The following SLC1A6 variants were observed in gnomAD, a reference collection of about 807,000 sequenced individuals.
SLC1A6 encodes solute carrier family 1 member 6, also known as excitatory amino acid transporter 4.
In SLC1A6, 15 loss-of-function variants were observed where a neutral mutation model predicts 42.1. That is an observed-to-expected ratio of 0.36 (90% CI 0.24 to 0.55). The LOEUF is 0.55. Among genes scored for constraint, SLC1A6 ranks in the 20% least tolerant of loss-of-function variants. The pLI is 0.88. For synonymous variants in SLC1A6, 317 were observed against 319.7 expected, an observed-to-expected ratio of 0.99 and a Z score of 0.09; for missense variants, 542 against 772.5, an observed-to-expected ratio of 0.70 and a Z score of 3.54.
At chr19:14,970,020 T>G (rs1274473866) in intron 3 of SLC1A6, among the ~76,000 whole-genome samples, 1 of 152,166 alleles carries the variant, frequency 6.6e-6, no homozygotes, top group Non-Finnish European at 1.5e-5. Context: ...ACAAAGGGGA[T>G]GAAGATCTTT....
intron 6 of SLC1A6, among the ~76,000 whole-genome samples, chr19:14,957,345 C>A (rs1316002378): frequency 3.3e-5 from 5 of 152,136 alleles, no homozygotes; most frequent in Non-Finnish European, 7.4e-5. Flanking sequence ...ATGTTTATGT[C>A]CCCTCCCCAC....
chr19:14,994,356 C>T (rs2045834950), intron 1 of SLC1A6, among the ~76,000 whole-genome samples: 2 of 152,082 alleles, frequency 1.3e-5, no homozygotes, highest in South Asian at 2.1e-4. Context: ...GCTGGCAGCC[C>T]CCTCTAGGTT....
rs1367690849 is a variant in SLC1A6 at position 14,956,525 on chromosome 19, T to C, written c.1120A>G (p.Ile374Val). The C allele has an allele frequency of 1.9e-6, 3 of 1,609,612 alleles. No homozygotes were observed. The highest frequency in any genetic ancestry group is 3.4e-5 in the Admixed American group (2 of 59,696). The change falls in exon 7 of 10, where the codon ATT (isoleucine) becomes GTT (valine). Residue 374 changes from isoleucine to valine, a missense_variant. By Grantham distance (29) the Ile-to-Val change is conservative (BLOSUM62 3). Transcript: ENST00000594383. ...ATGAGGGCTTGTAGCATGCCCCCAA[T>C]GAAGGGGAAGGGGTTCCGGTGAGTG... is the stretch of plus-strand genomic sequence containing the variant. ...LVTHRNPFPF[I>V]GGMLQALITA...
rs754196543 is a variant in SLC1A6, at chr19:14,953,078, G to A, written c.1365-16C>T. On this transcript the variant is annotated splice_polypyrimidine_tract_variant and intron_variant, in intron 8 of 9. Transcript: ENST00000594383. Reference sequence around the variant, plus strand: ...GGCCGTGATGCTGCAGGGGGAGGGAGAACATGGGGAGCAGATGGAGGGAAG... The same window carrying A: ...GGCCGTGATGCTGCAGGGGGAGGGAAAACATGGGGAGCAGATGGAGGGAAG... The A allele has an allele frequency of 1.1e-5, 18 of 1,606,422 alleles. No individual in the cohort carries two copies. The highest frequency in any genetic ancestry group is 1.7e-4 in the Middle Eastern group (1 of 6,058).
intron 1 of SLC1A6, among the ~76,000 whole-genome samples, chr19:15,003,671 A>AG (rs1055950276): frequency 3.5e-5 from 5 of 144,840 alleles, no homozygotes; most frequent in Admixed American, 1.4e-4. Flanking sequence ...AAAAAAAAAA[A>AG]AAAGAAAGAA....
intron 8 of SLC1A6, among the ~76,000 whole-genome samples, chr19:14,953,645 G>A (rs1419546505): frequency 6.6e-6 from 1 of 152,102 alleles, no homozygotes; most frequent in Admixed American, 6.6e-5. Context: ...CGGGGAAACA[G>A]TGCCTCCTTA....
chr19:15,008,475 T>C (rs1414259216), intron 1 of SLC1A6, among the ~76,000 whole-genome samples: 1 of 152,090 alleles, frequency 6.6e-6, no homozygotes, highest in African/African-American at 2.4e-5. Flanking sequence ...TGCAAATTAG[T>C]ACAACCTCTA....
At chr19:14,973,043 G>A in intron 1 of SLC1A6, 126 bp from the exon 2 acceptor site, 1 of 717,876 alleles carries the variant, frequency 1.4e-6, no homozygotes. Flanking sequence ...GGGTGGCTGG[G>A]TGTTTTGGCT....
intron 4 of SLC1A6, among the ~76,000 whole-genome samples, chr19:14,965,779 G>A (rs2045566979): frequency 6.6e-6 from 1 of 151,438 alleles, no homozygotes; most frequent in Admixed American, 6.6e-5. Context: ...GAACCCGAAA[G>A]GCAGAGGTTG....
At chr19:14,960,822 G>C (rs1237285490) in intron 6 of SLC1A6, among the ~76,000 whole-genome samples, 1 of 152,070 alleles carries the variant, frequency 6.6e-6, no homozygotes, top group Non-Finnish European at 1.5e-5. Flanking sequence ...CAGTTAAATA[G>C]GAGAAATAAG....
At chr19:14,986,522 C>CA (rs957267768) in intron 1 of SLC1A6, among the ~76,000 whole-genome samples, 1,500 of 109,828 alleles carry the variant, frequency 0.014, 36 homozygotes, top group African/African-American at 0.044. Flanking sequence ...AACTCCGTCT[C>CA]AAAAAAAAAA....
chr19:14,992,027 T>C (rs1051043963), intron 1 of SLC1A6, among the ~76,000 whole-genome samples: 1 of 152,110 alleles, frequency 6.6e-6, no homozygotes, highest in African/African-American at 2.4e-5. Context: ...GGTTTCACCA[T>C]GTTGGGCAGG....
chr19:14,970,272 T>C (rs2045622752), intron 3 of SLC1A6, among the ~76,000 whole-genome samples: 1 of 152,222 alleles, frequency 6.6e-6, no homozygotes, highest in South Asian at 2.1e-4. Context: ...AGTCTCACTG[T>C]GTTGCCCAGG....
intron 1 of SLC1A6, among the ~76,000 whole-genome samples, chr19:14,986,412 C>T (rs1177373621): frequency 6.6e-6 from 1 of 151,326 alleles, no homozygotes; most frequent in Non-Finnish European, 1.5e-5. Context: ...ATCTCAGCTA[C>T]TATGGAGGCT....
chr19:14,990,535 C>T (rs769669379), intron 1 of SLC1A6, among the ~76,000 whole-genome samples: 4 of 152,146 alleles, frequency 2.6e-5, no homozygotes, highest in East Asian at 1.9e-4. Context: ...TTTGGGAAGC[C>T]GAGGCAGGCG....
At chr19:14,960,121 TGGAAGGAA>T (rs112285844) in intron 6 of SLC1A6, among the ~76,000 whole-genome samples, 4 of 150,862 alleles carry the variant, frequency 2.7e-5, no homozygotes, top group Admixed American at 2.6e-4. Flanking sequence ...GAAGGAATGA[TGGAAGGAA>T]GGAAGGAAGG....
Position 14,999,193 on chromosome 19 carries a change from T to G in SLC1A6, c.6+11292A>C, listed in dbSNP as rs905504169. 2.8e-4 allele frequency among the ~76,000 whole-genome samples: 43 copies of G among 152,152 alleles called. 1 individual carries two copies. Among genetic ancestry groups the G allele is most frequent in the Non-Finnish European group, 1.6e-4 (11 of 68,042 alleles). On this transcript the variant is annotated intron_variant, in intron 1 of 8. Transcript: ENST00000430939. ...ATGCCCGGCCAAGAAACATTTATAA[T>G]CTACTCTCTCTGAAGCCTGCTACCT...
At chr19:14,993,382 C>A (rs1042900987) in intron 1 of SLC1A6, among the ~76,000 whole-genome samples, 1 of 151,988 alleles carries the variant, frequency 6.6e-6, no homozygotes, top group African/African-American at 2.4e-5. Flanking sequence ...GGTAGCACAG[C>A]ACTGCAAATG....
intron 1 of SLC1A6, among the ~76,000 whole-genome samples, chr19:14,999,634 G>A (rs1363331448): frequency 6.6e-6 from 1 of 151,950 alleles, no homozygotes; most frequent in Non-Finnish European, 1.5e-5. Context: ...TCATTTTTTT[G>A]TGGTGAGAAC....
Sources: gnomAD v4.1 joint callset for allele counts (sites outside exome capture counted in the v4.1 genomes callset) on GRCh38, gnomAD v4.1.1 for gene constraint, MANE v1.5 for transcripts, NCBI Gene and HGNC (gene_info 2026-07-23, HGNC 2026-07-21) for gene names.